Variants in TAF1 observed in about 807,000 individuals in gnomAD.
The protein encoded by TAF1 is TATA-box binding protein associated factor 1.
In TAF1, 2 loss-of-function variants were observed where a neutral mutation model predicts 138.5. That is an observed-to-expected ratio of 0.01 (90% CI 0.01 to 0.05). TAF1 has a LOEUF of 0.05. Among genes scored for constraint, TAF1 ranks in the 10% least tolerant of loss-of-function variants. The pLI is 1.00. For missense variants in TAF1, 709 were observed against 1,478.0 expected, an observed-to-expected ratio of 0.48 and a Z score of 8.53; for synonymous variants, 437 against 503.2, an observed-to-expected ratio of 0.87 and a Z score of 1.76.
intron 3 of TAF1, among the ~76,000 whole-genome samples, chrX:71,368,407 C>T (rs1212770303): frequency 9.0e-6 from 1 of 111,612 alleles, no homozygotes; most frequent in African/African-American, 3.3e-5. Flanking sequence ...GTCATGAATT[C>T]TTAGTTAATG....
At position 71,426,673 on chromosome X, in the gene TAF1, C is replaced by T. The variant is rs183520373; in HGVS notation, c.4753+2435C>T. ...GAGGTTGCAGGGAGCCGAGATGCCG[C>T]CATTGCACTCCAGCCTGGGCAACAA... On this transcript the variant is annotated intron_variant, in intron 32 of 37. Coordinates refer to ENST00000423759, the MANE Select transcript of TAF1 (RefSeq NM_004606.5). 5.1e-4 allele frequency among the ~76,000 whole-genome samples: 56 copies of T among 108,770 alleles called. No individual in the cohort carries two copies. In the East Asian group the frequency reaches 0.011, roughly 21 times the overall value. The allele number at this position is 108,770 out of a possible 115,157, so 94.5% of individuals were successfully genotyped here.
intron 13 of TAF1, among the ~76,000 whole-genome samples, chrX:71,526,198 G>C (rs1239757946): frequency 9.0e-6 from 1 of 111,286 alleles, no homozygotes; most frequent in African/African-American, 3.3e-5. Context: ...AATGTTGCAA[G>C]ATAATACAAT....
intron 28 of TAF1, 34 bp downstream of exon 28, chrX:71,408,185 A>T (rs2035572555): frequency 8.3e-7 from 1 of 1,201,649 alleles, no homozygotes; most frequent in South Asian, 1.8e-5. Context: ...TGCAAAGGTC[A>T]CTGTTCAGAT....
intron 9 of TAF1, among the ~76,000 whole-genome samples, chrX:71,382,303 T>TGAA (rs2033941699): frequency 1.8e-5 from 2 of 110,494 alleles, no homozygotes; most frequent in Admixed American, 1.9e-4. Context: ...AAGCGTGTAG[T>TGAA]TCACTTAGTG....
chrX:71,456,551 CA>C (rs1163307585), intron 34 of TAF1, among the ~76,000 whole-genome samples: 1 of 105,833 alleles, frequency 9.4e-6, no homozygotes, highest in African/African-American at 3.5e-5. Flanking sequence ...AGTGTGTTTG[CA>C]AAAGTGTAAC....
At chrX:71,396,839 C>T (rs2034880117) in intron 22 of TAF1, among the ~76,000 whole-genome samples, 1 of 109,014 alleles carries the variant, frequency 9.2e-6, no homozygotes, top group Non-Finnish European at 1.9e-5. Flanking sequence ...TAGAGACCAG[C>T]CTAGGCAATG....
intron 32 of TAF1, among the ~76,000 whole-genome samples, chrX:71,440,311 G>T (rs904596312): frequency 3.6e-5 from 4 of 111,880 alleles, no homozygotes; most frequent in African/African-American, 1.3e-4. Flanking sequence ...TTGTGTGGTT[G>T]TACCAGCGTT....
intron 25 of TAF1, among the ~76,000 whole-genome samples, chrX:71,404,552 G>GTC (rs1169711566): frequency 1.8e-5 from 2 of 110,342 alleles, no homozygotes; most frequent in Non-Finnish European, 3.8e-5. Flanking sequence ...GGTCAGGCTG[G>GTC]TCTCGAACTC....
chrX:71,462,503 CA>C (rs2038593346), intron 37 of TAF1, among the ~76,000 whole-genome samples: 1 of 110,897 alleles, frequency 9.0e-6, no homozygotes, highest in African/African-American at 3.3e-5. Flanking sequence ...ACCCAGGAGG[CA>C]GAGGTTGCAG....
At chrX:71,369,157 G>A (rs1184249168) in intron 3 of TAF1, among the ~76,000 whole-genome samples, 2 of 110,634 alleles carry the variant, frequency 1.8e-5, no homozygotes, top group Non-Finnish European at 3.8e-5. Context: ...GCCACATCTG[G>A]CCAATTTTTT....
chrX:71,421,297 GT>G lies in TAF1; in HGVS notation c.4385-10del. The G allele has an allele frequency of 1.7e-6, 2 of 1,199,706 alleles. No individual in the cohort carries two copies. Among genetic ancestry groups the G allele is most frequent in the Non-Finnish European group, 2.3e-6 (2 of 887,404 alleles). ...GTTATTAGTGGTTTCATCTCTTTCT[GT>G]TCCTCTACAGGGCCAAAACACTCAT... On this transcript the variant is annotated splice_polypyrimidine_tract_variant and intron_variant, in intron 28 of 37. Transcript: ENST00000423759.
At chrX:71,420,612 C>G (rs1441708934) in intron 28 of TAF1, 1 of 1,207,651 alleles carries the variant, frequency 8.3e-7, no homozygotes, top group African/African-American at 1.7e-5. Context: ...GCTTCTTCCT[C>G]CATCTCCCTA....
At position 71,366,367 on chromosome X, in the gene TAF1, C is replaced by T. The variant is rs2032471554; in HGVS notation, c.-8C>T. On this transcript the variant is annotated 5_prime_UTR_variant, in exon 1 of 38. Coordinates refer to ENST00000423759, the MANE Select transcript of TAF1 (RefSeq NM_004606.5). ...CGGACAGCAGCTACCATCACTGCTG[C>T]CGCCATCATGTCAGACACGGACAGC... 1 of 1,210,988 alleles carries T rather than the reference C, an allele frequency of 8.3e-7. No individual in the cohort carries two copies. Among genetic ancestry groups the T allele is most frequent in the Non-Finnish European group, 1.1e-6 (1 of 895,372 alleles).
chrX:71,523,312 C>T (rs764909427), intron 13 of TAF1, among the ~76,000 whole-genome samples: 1 of 109,902 alleles, frequency 9.1e-6, no homozygotes, highest in East Asian at 2.8e-4. Flanking sequence ...TCTCCTTTTC[C>T]TTTCCATTTT....
intron 13 of TAF1, among the ~76,000 whole-genome samples, chrX:71,508,761 T>C (rs188632986): frequency 0.02 from 2,165 of 105,668 alleles, 67 homozygotes; most frequent in African/African-American, 0.072. Flanking sequence ...TGTGTGTGTG[T>C]GCGCGCATAT....
chrX:71,511,029 G>C (rs1328288052), intron 13 of TAF1, among the ~76,000 whole-genome samples: 2 of 111,023 alleles, frequency 1.8e-5, no homozygotes, highest in Non-Finnish European at 3.8e-5. Flanking sequence ...CTTGAACCTG[G>C]GAGGCAGAGG....
rs748878941 is a variant in TAF1, at chrX:71,413,980, A to G, written c.4384+5829A>G. 3 of 110,451 alleles carry G rather than the reference A, an allele frequency of 2.7e-5. No homozygotes were observed. In the Admixed American group the frequency reaches 2.9e-4, roughly 11 times the overall value. The allele number at this position is 110,451 out of a possible 1,213,427, so 9.1% of individuals were successfully genotyped here. On this transcript the variant is annotated intron_variant, in intron 28 of 37. Transcript: ENST00000423759. ...TCTGGACGCTATAATTGTCAAAGACAGTGGGGGGATATACTCCTCAGGAAA... is the reference window on the plus strand; with the variant it reads ...TCTGGACGCTATAATTGTCAAAGACGGTGGGGGGATATACTCCTCAGGAAA...
chrX:71,399,114 A>AT (rs1240054424), intron 24 of TAF1, among the ~76,000 whole-genome samples: 3 of 108,806 alleles, frequency 2.8e-5, no homozygotes, highest in African/African-American at 6.7e-5. Context: ...TAATTTTTGT[A>AT]TTTTTTGTAG....
At chrX:71,378,752 A>C (rs1220172141) in intron 7 of TAF1, 72 bp from the exon 8 acceptor site, 17 of 1,046,595 alleles carry the variant, frequency 1.6e-5, no homozygotes, top group Non-Finnish European at 1.9e-5. Flanking sequence ...TGTATCTTTA[A>C]TGTGGAATTT....
Sources: allele counts gnomAD v4.1 joint callset (sites outside exome capture counted in the v4.1 genomes callset), GRCh38; gene constraint gnomAD v4.1.1; transcripts MANE v1.5; gene names NCBI Gene and HGNC (gene_info 2026-07-23, HGNC 2026-07-21).